ZBTB7C: variants seen among roughly 807,000 people sequenced by gnomAD.
ZBTB7C encodes the protein zinc finger and BTB domain containing 7C.
Under a neutral mutation model 25.7 loss-of-function variants are expected in ZBTB7C, and 8 were observed. The observed-to-expected ratio is 0.31, with a 90% CI of 0.18 to 0.56. The LOEUF (loss-of-function observed/expected upper bound fraction) is 0.56, where lower values mean the gene tolerates loss of function less well. Among genes scored for constraint, ZBTB7C ranks in the 20% least tolerant of loss-of-function variants. The probability of loss-of-function intolerance (pLI) is 0.91; values close to 1 mark genes in which losing one functional copy is unlikely to be tolerated. For missense variants in ZBTB7C, 824 were observed against 855.2 expected, an observed-to-expected ratio of 0.96 and a Z score of 0.46; for synonymous variants, 394 against 369.0, an observed-to-expected ratio of 1.07 and a Z score of -0.78.
chr18:48,199,992 TTGTGTGTGTGTGTGTG>T (rs57540482), intron 2 of ZBTB7C, among the ~76,000 whole-genome samples: 3 of 149,204 alleles, frequency 2.0e-5, no homozygotes, highest in South Asian at 2.2e-4. Flanking sequence ...GGAAATGTAT[TTGTGTGTGTGTGTGTG>T]TGTGTGTGTG....
intron 3 of ZBTB7C, among the ~76,000 whole-genome samples, chr18:48,126,453 A>G (rs1045781424): frequency 1.3e-5 from 2 of 152,160 alleles, no homozygotes; most frequent in South Asian, 2.1e-4. Context: ...CTTGAATCCA[A>G]TCACCTGGAA....
chr18:48,316,490 T>A (rs2045950705), intron 2 of ZBTB7C, among the ~76,000 whole-genome samples: 1 of 152,222 alleles, frequency 6.6e-6, no homozygotes, highest in Admixed American at 6.5e-5. Context: ...ACCCCCAGTG[T>A]TGGAAGTGGG....
chr18:48,051,059 CT>C (rs1003732475), intron 3 of ZBTB7C, among the ~76,000 whole-genome samples: 46 of 152,306 alleles, frequency 3.0e-4, no homozygotes, highest in African/African-American at 1.1e-3. Context: ...GCTCTGCCCC[CT>C]GTATGAGGCT....
intron 3 of ZBTB7C, among the ~76,000 whole-genome samples, chr18:48,185,009 A>G (rs1470084310): frequency 6.6e-6 from 1 of 152,146 alleles, no homozygotes; most frequent in Non-Finnish European, 1.5e-5. Context: ...GGCAGAAACT[A>G]AATTTTATTT....
intron 1 of ZBTB7C, among the ~76,000 whole-genome samples, chr18:48,348,889 T>C (rs59074259): frequency 0.083 from 12,629 of 152,280 alleles, 648 homozygotes; most frequent in African/African-American, 0.14. Flanking sequence ...GTCATTCCCC[T>C]GGGGAGGGCC....
chr18:48,288,120 T>A (rs1191643820), intron 2 of ZBTB7C, among the ~76,000 whole-genome samples: 1 of 152,232 alleles, frequency 6.6e-6, no homozygotes, highest in Non-Finnish European at 1.5e-5. Flanking sequence ...CTGACATTAT[T>A]TGAATTTGAT....
chr18:48,130,752 C>A (rs984870500), intron 3 of ZBTB7C, among the ~76,000 whole-genome samples: 2 of 152,188 alleles, frequency 1.3e-5, no homozygotes, highest in African/African-American at 4.8e-5. Context: ...CCATCCAACT[C>A]CCCATTTCAA....
chr18:48,051,931 T>TG (rs1212062814), intron 3 of ZBTB7C, among the ~76,000 whole-genome samples: 4 of 152,016 alleles, frequency 2.6e-5, no homozygotes, highest in Admixed American at 2.6e-4. Flanking sequence ...TAGGGGGCAG[T>TG]GGGGGGAGAC....
chr18:48,248,888 G>A (rs1015514012), intron 2 of ZBTB7C, among the ~76,000 whole-genome samples: 1 of 151,942 alleles, frequency 6.6e-6, no homozygotes, highest in Non-Finnish European at 1.5e-5. Context: ...GGACAACAAA[G>A]TATTTGAATA....
At chr18:48,187,001 A>T (rs942271299) in intron 2 of ZBTB7C, among the ~76,000 whole-genome samples, 4 of 152,210 alleles carry the variant, frequency 2.6e-5, no homozygotes, top group African/African-American at 9.7e-5. Context: ...CAGACTGAGC[A>T]GCCTAGCTCG....
At chr18:48,190,584 T>A (rs1320341112) in intron 2 of ZBTB7C, among the ~76,000 whole-genome samples, 7 of 152,126 alleles carry the variant, frequency 4.6e-5, no homozygotes, top group African/African-American at 1.7e-4. Flanking sequence ...ACTTGTGAGT[T>A]TAGTATGAAA....
At chr18:48,084,417 C>T (rs2144507174) in intron 3 of ZBTB7C, among the ~76,000 whole-genome samples, 1 of 152,314 alleles carries the variant, frequency 6.6e-6, no homozygotes, top group South Asian at 2.1e-4. Context: ...AAGCGGCCAT[C>T]TTTAGCTCTG....
At chr18:48,377,712 T>C (rs1170899613) in intron 1 of ZBTB7C, among the ~76,000 whole-genome samples, 3 of 152,186 alleles carry the variant, frequency 2.0e-5, no homozygotes, top group African/African-American at 7.2e-5. Flanking sequence ...GGAGATCAGA[T>C]AGACAAGTGG....
chr18:48,041,177 G>A, intron 3 of ZBTB7C, 54 bp from the exon 4 acceptor site: 1 of 1,520,180 alleles, frequency 6.6e-7, no homozygotes, highest in Middle Eastern at 1.9e-4. Context: ...CCCCAGGAGG[G>A]GTCTCAACTC....
rs572740009 is a variant in ZBTB7C, at chr18:48,220,608, A to G, written c.-78-34613T>C. On this transcript the variant is annotated intron_variant, in intron 2 of 4. Transcript: ENST00000590800. ...GAATAGCAATATTTAGCTTTTACAG[A>G]CAGTCCAGGATTGAAACAGATAAGC... Among the ~76,000 whole-genome samples the G allele has an allele frequency of 3.3e-5, 5 of 152,276 alleles. No individual in the cohort carries two copies. The East Asian group carries it at 5.8e-4, about 18-fold the overall frequency.
In ZBTB7C at chr18:48,040,649, G is replaced by C. The variant is rs567201769; in HGVS notation, c.459C>G (p.Asp153Glu). The change falls in exon 4 of 5, where the codon GAC becomes GAG. Residue 153 changes from aspartate (D) to glutamate (E), a missense_variant. Physicochemically the swap from Asp to Glu is conservative, Grantham distance 45. Transcript: ENST00000590800. ...DDDEDDDDEE[D>E]EEEEEEEEED... ...CCTCCTCTTCCTCCTCCTCCTCTTCGTCCTCCTCATCATCATCATCTTCGT... is the reference window on the plus strand; with the variant it reads ...CCTCCTCTTCCTCCTCCTCCTCTTCCTCCTCCTCATCATCATCATCTTCGT... 1.9e-6 allele frequency: 3 copies of C among 1,612,778 alleles called. No homozygotes were observed. Among genetic ancestry groups the C allele is most frequent in the Non-Finnish European group, 2.5e-6 (3 of 1,179,368 alleles).
chr18:48,176,568 C>T (rs1257532770), intron 3 of ZBTB7C, among the ~76,000 whole-genome samples: 1 of 151,706 alleles, frequency 6.6e-6, no homozygotes, highest in Non-Finnish European at 1.5e-5. Context: ...GAAACACATG[C>T]TGAAGTATGT....
At chr18:48,082,893 C>T (rs961035556) in intron 3 of ZBTB7C, among the ~76,000 whole-genome samples, 6 of 152,212 alleles carry the variant, frequency 3.9e-5, no homozygotes, top group Non-Finnish European at 5.9e-5. Flanking sequence ...TGAATGAGGT[C>T]TGGCCTGGAA....
intron 2 of ZBTB7C, among the ~76,000 whole-genome samples, chr18:48,194,613 C>T (rs905898232): frequency 1.4e-4 from 21 of 152,198 alleles, no homozygotes; most frequent in African/African-American, 5.1e-4. Context: ...GAAGGGCAGT[C>T]TAGACAGGGG....
Sources: allele counts gnomAD v4.1 joint callset (sites outside exome capture counted in the v4.1 genomes callset), GRCh38; gene constraint gnomAD v4.1.1; transcripts MANE v1.5; gene names NCBI Gene and HGNC (gene_info 2026-07-23, HGNC 2026-07-21).